GABRG3: variants seen among roughly 807,000 people sequenced by gnomAD.
The protein encoded by GABRG3 is gamma-aminobutyric acid receptor subunit gamma-3.
GABRG3 carries 25 observed loss-of-function variants against 48.8 expected under a neutral mutation model. That is an observed-to-expected ratio of 0.51 (90% CI 0.37 to 0.72). GABRG3 has a LOEUF of 0.72. Among genes scored for constraint, GABRG3 ranks in the 30% least tolerant of loss-of-function variants. The probability of loss-of-function intolerance (pLI) is 0.00; values close to 1 mark genes in which losing one functional copy is unlikely to be tolerated. For synonymous variants in GABRG3, 227 were observed against 217.6 expected (o/e 1.04, Z -0.38); for missense variants, 394 against 577.9 (o/e 0.68, Z 3.26).
intron 3 of GABRG3, among the ~76,000 whole-genome samples, chr15:27,142,635 C>T (rs923913906): frequency 1.3e-5 from 2 of 152,162 alleles, no homozygotes; most frequent in Non-Finnish European, 2.9e-5. Flanking sequence ...ATGAGTTTAC[C>T]GTGCATGACT....
At chr15:27,087,711 A>G (rs1897101999) in intron 3 of GABRG3, among the ~76,000 whole-genome samples, 2 of 151,208 alleles carry the variant, frequency 1.3e-5, no homozygotes, top group African/African-American at 4.9e-5. Flanking sequence ...GTGTACATGT[A>G]TGTGTGTGGT....
At chr15:27,214,013 A>G (rs1889158781) in intron 3 of GABRG3, among the ~76,000 whole-genome samples, 1 of 152,182 alleles carries the variant, frequency 6.6e-6, no homozygotes, top group Non-Finnish European at 1.5e-5. Flanking sequence ...GTAGAGCAGT[A>G]TTTTTTAGCA....
At chr15:27,275,065 A>G (rs1891209776) in intron 3 of GABRG3, among the ~76,000 whole-genome samples, 1 of 152,194 alleles carries the variant, frequency 6.6e-6, no homozygotes, top group Non-Finnish European at 1.5e-5. Flanking sequence ...ACTTGGAGCC[A>G]CAGCGTGCTG....
rs573753557 is a variant in GABRG3 at position 27,335,696 on chromosome 15, A to T, written c.574+6808A>T. On this transcript the variant is annotated intron_variant, in intron 5 of 9. Transcript: ENST00000615808. Reference sequence around the variant, plus strand: ...GGGGGGAGGAGAGAACGAGGGGAGCACAGAGCTTCTGTGTGGGAGGATGAG... The same window carrying T: ...GGGGGGAGGAGAGAACGAGGGGAGCTCAGAGCTTCTGTGTGGGAGGATGAG... Among the ~76,000 whole-genome samples the T allele has an allele frequency of 8.9e-4, 135 of 152,280 alleles. 4 individuals are homozygous for T. In the South Asian group the frequency reaches 0.027, roughly 30 times the overall value.
In GABRG3 at chr15:27,278,711, G is replaced by T. The variant is rs375961745; in HGVS notation, c.271-48098G>T. 7.2e-5 allele frequency among the ~76,000 whole-genome samples: 11 copies of T among 152,088 alleles called. No individual in the cohort carries two copies. In the East Asian group the frequency reaches 1.2e-3, roughly 16 times the overall value. ...ACCACTCACTCCTTTAAGGCCATTG[G>T]TGTTATTTTGGATATTGTGATTATG... On this transcript the variant is annotated intron_variant, in intron 3 of 9. Coordinates refer to ENST00000615808, the MANE Select transcript of GABRG3 (RefSeq NM_033223.5).
chr15:27,382,919 A>G (rs1454215752), intron 5 of GABRG3, among the ~76,000 whole-genome samples: 2 of 152,170 alleles, frequency 1.3e-5, no homozygotes, highest in Non-Finnish European at 2.9e-5. Flanking sequence ...CATCGGGAAA[A>G]TGTTGAGTGT....
At position 27,304,817 on chromosome 15, in the gene GABRG3, G is replaced by C. The variant is rs965495905; in HGVS notation, c.271-21992G>C. 1.1e-4 allele frequency among the ~76,000 whole-genome samples: 16 copies of C among 152,038 alleles called. 1 individual carries two copies. Among genetic ancestry groups the C allele is most frequent in the African/African-American group, 3.6e-4 (15 of 41,520 alleles). ...TTCAGATTCCAGGGATTAGGACACA[G>C]ACATCTTTAGGGACTATTATTCTGT... On this transcript the variant is annotated intron_variant, in intron 3 of 9. Coordinates refer to ENST00000615808, the MANE Select transcript of GABRG3 (RefSeq NM_033223.5).
At chr15:27,142,465 C>T (rs1024214927) in intron 3 of GABRG3, among the ~76,000 whole-genome samples, 4 of 152,098 alleles carry the variant, frequency 2.6e-5, no homozygotes, top group African/African-American at 4.8e-5. Context: ...CATGAGATCT[C>T]GTGAGACTTA....
Position 27,052,708 on chromosome 15 carries a change from A to G in GABRG3, c.270+25887A>G, listed in dbSNP as rs538527099. On this transcript the variant is annotated intron_variant, in intron 3 of 9. Transcript: ENST00000615808. ...TTAAAAAGTCTAGATACAGTGGACA[A>G]TTTGGGGGAAAGATTAACCTGGATC... Among the ~76,000 whole-genome samples the G allele has an allele frequency of 3.9e-5, 6 of 152,330 alleles. No homozygotes were observed. In the East Asian group the frequency reaches 1.2e-3, roughly 29 times the overall value.
intron 3 of GABRG3, among the ~76,000 whole-genome samples, chr15:27,214,079 T>C (rs1889160809): frequency 6.6e-6 from 1 of 152,212 alleles, no homozygotes; most frequent in Admixed American, 6.5e-5. Flanking sequence ...TCAGTCTTGC[T>C]AACTGAGGCA....
chr15:27,067,098 A>G (rs984168834), intron 3 of GABRG3, among the ~76,000 whole-genome samples: 1 of 152,196 alleles, frequency 6.6e-6, no homozygotes, highest in Non-Finnish European at 1.5e-5. Flanking sequence ...AGCCCTGCCC[A>G]GCCTCCCTGC....
At chr15:27,502,919 G>T (rs991044485) in intron 6 of GABRG3, among the ~76,000 whole-genome samples, 5 of 152,198 alleles carry the variant, frequency 3.3e-5, no homozygotes, top group Non-Finnish European at 7.3e-5. Flanking sequence ...TCTCGTTCCT[G>T]TTCCTGCCAG....
intron 3 of GABRG3, among the ~76,000 whole-genome samples, chr15:27,092,316 T>TTG (rs1442327342): frequency 1.3e-5 from 2 of 152,286 alleles, no homozygotes; most frequent in Admixed American, 6.5e-5. Flanking sequence ...GAATGCTTCT[T>TTG]TGTGTGTGTG....
At chr15:27,320,482 C>G (rs1289551676) in intron 3 of GABRG3, among the ~76,000 whole-genome samples, 2 of 152,138 alleles carry the variant, frequency 1.3e-5, no homozygotes, top group Admixed American at 6.5e-5. Flanking sequence ...CGAGAGAAAC[C>G]TGAGGCTTTT....
chr15:26,993,534 A>G (rs923070406), intron 2 of GABRG3, among the ~76,000 whole-genome samples: 2 of 151,834 alleles, frequency 1.3e-5, no homozygotes, highest in African/African-American at 4.8e-5. Context: ...TCTTGTTATT[A>G]TAGTTTTATT....
intron 5 of GABRG3, among the ~76,000 whole-genome samples, chr15:27,392,362 T>A (rs1292148223): frequency 6.6e-6 from 1 of 152,202 alleles, no homozygotes; most frequent in East Asian, 1.9e-4. Context: ...GACCCTGACA[T>A]TTTTGGGGAT....
intron 5 of GABRG3, among the ~76,000 whole-genome samples, chr15:27,405,873 T>C (rs1323097357): frequency 3.3e-5 from 5 of 151,140 alleles, no homozygotes; most frequent in Non-Finnish European, 4.4e-5. Context: ...ATAGGGAAAA[T>C]AGAGGAAAAT....
At chr15:27,489,069 C>T (rs970803521) in intron 6 of GABRG3, among the ~76,000 whole-genome samples, 4 of 151,666 alleles carry the variant, frequency 2.6e-5, no homozygotes, top group East Asian at 1.9e-4. Flanking sequence ...TGATGTTCCC[C>T]GCCCTGAGTC....
intron 6 of GABRG3, among the ~76,000 whole-genome samples, chr15:27,504,826 T>C (rs969192473): frequency 1.3e-5 from 2 of 152,206 alleles, no homozygotes; most frequent in Non-Finnish European, 2.9e-5. Flanking sequence ...TTTGAACATA[T>C]ATTTGCTGAG....
Sources: allele counts gnomAD v4.1 joint callset (sites outside exome capture counted in the v4.1 genomes callset), GRCh38; gene constraint gnomAD v4.1.1; transcripts MANE v1.5; gene names NCBI Gene and HGNC (gene_info 2026-07-23, HGNC 2026-07-21).